The following PKNOX2 variants were observed in gnomAD, a reference collection of about 807,000 sequenced individuals.
The protein encoded by PKNOX2 is homeobox protein PKNOX2.
In PKNOX2, 14 loss-of-function variants were observed where a neutral mutation model predicts 53.1. The ratio of observed to expected loss-of-function variants is 0.26; its 90% CI spans 0.17 to 0.41. PKNOX2 has a LOEUF of 0.41. Ranked by LOEUF, PKNOX2 falls within the 10% of genes least tolerant of loss-of-function variation. The pLI is 1.00. For missense variants in PKNOX2, 496 were observed against 602.8 expected, an observed-to-expected ratio of 0.82 and a Z score of 1.85; for synonymous variants, 257 against 242.8, an observed-to-expected ratio of 1.06 and a Z score of -0.54.
At chr11:125,365,594 T>C (rs1952147430) in intron 4 of PKNOX2, among the ~76,000 whole-genome samples, 1 of 152,228 alleles carries the variant, frequency 6.6e-6, no homozygotes. Flanking sequence ...CATAAATTTG[T>C]TGAGCATTTT....
intron 8 of PKNOX2, 46 bp downstream of exon 8, chr11:125,410,371 G>A (rs1185450969): frequency 6.2e-7 from 1 of 1,609,944 alleles, no homozygotes; most frequent in African/African-American, 1.3e-5. Flanking sequence ...TTCCCTGGGA[G>A]GAGAAAGGGT....
chr11:125,242,131 T>C (rs1040922862), intron 2 of PKNOX2, among the ~76,000 whole-genome samples: 2 of 152,148 alleles, frequency 1.3e-5, no homozygotes, highest in Non-Finnish European at 2.9e-5. Context: ...TGGTTCCCCG[T>C]CTATGTGGGG....
chr11:125,377,527 C>T (rs1952913385), intron 5 of PKNOX2, among the ~76,000 whole-genome samples: 1 of 152,164 alleles, frequency 6.6e-6, no homozygotes, highest in African/African-American at 2.4e-5. Flanking sequence ...CAAAGATGGG[C>T]ACAGGAAGGC....
chr11:125,182,565 CAAG>C (rs1302364294), intron 1 of PKNOX2, among the ~76,000 whole-genome samples: 1 of 152,148 alleles, frequency 6.6e-6, no homozygotes, highest in East Asian at 1.9e-4. Flanking sequence ...TTCAATGGTC[CAAG>C]GCAAATAAAG....
chr11:125,248,875 GTATATATATAACA>G (rs1943769686), intron 2 of PKNOX2, among the ~76,000 whole-genome samples: 1 of 129,654 alleles, frequency 7.7e-6, no homozygotes, highest in Admixed American at 8.1e-5. Context: ...TATATATAAC[GTATATATATAACA>G]TATATAATAT....
Position 125,397,879 on chromosome 11 carries a change from G to A in PKNOX2, c.405G>A (p.Val135=), listed in dbSNP as rs1302381094. Residue 135 remains valine, a synonymous_variant, in exon 7 of 13, where the codon GTG becomes GTA. Transcript: ENST00000298282. ...SDDPELDNLM[V]KAIQVLRIHL... ...CCTCTCCTCCCTCTCCACAGATGGTGAAGGCAATCCAGGTCCTGAGAATCC... is the reference window on the plus strand; with the variant it reads ...CCTCTCCTCCCTCTCCACAGATGGTAAAGGCAATCCAGGTCCTGAGAATCC... The A allele has an allele frequency of 1.9e-6, 3 of 1,609,864 alleles. No homozygotes were observed. The highest frequency in any genetic ancestry group is 1.7e-6 in the Non-Finnish European group (2 of 1,178,014).
rs147133742 is a variant in PKNOX2, at chr11:125,275,960, G to A, written c.-130+40845G>A. ...AGGGAGAGAGAAAGGATGCAGAAAG[G>A]GAGAGTGAAGGGGATGCTCCAGTAT... On this transcript the variant is annotated intron_variant, in intron 2 of 12. Coordinates refer to ENST00000298282, the MANE Select transcript of PKNOX2 (RefSeq NM_001382323.2). Among the ~76,000 whole-genome samples the A allele has an allele frequency of 2.9e-3, 445 of 152,290 alleles. 1 individual carries two copies. Among genetic ancestry groups the A allele is most frequent in the Non-Finnish European group, 4.8e-3 (327 of 68,020 alleles).
rs535909563 is a variant in PKNOX2 at position 125,336,354 on chromosome 11, T to C, written c.-23+4429T>C. On this transcript the variant is annotated intron_variant, in intron 3 of 12. Coordinates refer to ENST00000298282, the MANE Select transcript of PKNOX2 (RefSeq NM_001382323.2). Reference sequence around the variant, plus strand: ...CAGCCCTTTTTTCTCAGTTTATCTATTTATCTATTAACTGTCTGCTATGAA... The same window carrying C: ...CAGCCCTTTTTTCTCAGTTTATCTACTTATCTATTAACTGTCTGCTATGAA... Among the ~76,000 whole-genome samples, 18 of 152,154 alleles carry C rather than the reference T, an allele frequency of 1.2e-4. No homozygotes were observed. The South Asian group carries it at 1.9e-3, about 16-fold the overall frequency.
chr11:125,164,828 CG>C, intron 1 of PKNOX2, 52 bp downstream of exon 1: 1 of 178,334 alleles, frequency 5.6e-6, no homozygotes, highest in Non-Finnish European at 1.2e-5. Context: ...GCGGCGGCGG[CG>C]GCGCGGCGGC....
chr11:125,379,368 C>T (rs112439781), intron 5 of PKNOX2, among the ~76,000 whole-genome samples: 2,541 of 152,222 alleles, frequency 0.017, 29 homozygotes, highest in Middle Eastern at 0.048. Context: ...CAGCCAAGGA[C>T]CCAGCCATCT....
intron 1 of PKNOX2, among the ~76,000 whole-genome samples, chr11:125,204,185 T>G (rs531660626): frequency 6.6e-6 from 1 of 152,308 alleles, no homozygotes; most frequent in Non-Finnish European, 1.5e-5. Context: ...GCTCCTTTCC[T>G]GGAAGAGGAA....
intron 1 of PKNOX2, among the ~76,000 whole-genome samples, chr11:125,192,292 T>C (rs571068165): frequency 2.0e-5 from 3 of 152,364 alleles, no homozygotes; most frequent in African/African-American, 7.2e-5. Context: ...GGCAGAGCCG[T>C]GCAAAGCCAG....
At chr11:125,418,527 C>A (rs773683492) in intron 10 of PKNOX2, among the ~76,000 whole-genome samples, 3 of 152,110 alleles carry the variant, frequency 2.0e-5, no homozygotes, top group Admixed American at 2.0e-4. Context: ...GGAGGCAGAG[C>A]GGCTGTACCC....
At chr11:125,213,886 G>A (rs1037440573) in intron 1 of PKNOX2, among the ~76,000 whole-genome samples, 4 of 152,110 alleles carry the variant, frequency 2.6e-5, no homozygotes, top group African/African-American at 9.7e-5. Context: ...TATGTGGAAA[G>A]TAAAGACAAG....
intron 2 of PKNOX2, among the ~76,000 whole-genome samples, chr11:125,277,196 G>A (rs906378898): frequency 6.6e-6 from 1 of 152,118 alleles, no homozygotes; most frequent in Non-Finnish European, 1.5e-5. Context: ...TCTAGGAAAC[G>A]GCCATGTGAG....
At chr11:125,358,193 T>C (rs1298130368) in intron 4 of PKNOX2, among the ~76,000 whole-genome samples, 1 of 152,210 alleles carries the variant, frequency 6.6e-6, no homozygotes, top group East Asian at 1.9e-4. Context: ...TAATTACTTT[T>C]TATTAGGAAC....
At chr11:125,169,599 G>C (rs1321924261) in intron 1 of PKNOX2, among the ~76,000 whole-genome samples, 1 of 152,144 alleles carries the variant, frequency 6.6e-6, no homozygotes, top group Admixed American at 6.5e-5. Flanking sequence ...TCTAGCTTCT[G>C]GGCCTTGGTT....
At chr11:125,257,393 G>A (rs754324308) in intron 2 of PKNOX2, among the ~76,000 whole-genome samples, 9 of 152,156 alleles carry the variant, frequency 5.9e-5, no homozygotes, top group Non-Finnish European at 1.0e-4. Context: ...GCCTCCAGTG[G>A]CCAAAGAAGC....
chr11:125,244,106 C>T (rs1295840762), intron 2 of PKNOX2, among the ~76,000 whole-genome samples: 1 of 152,230 alleles, frequency 6.6e-6, no homozygotes, highest in Non-Finnish European at 1.5e-5. Flanking sequence ...CCCTGAGCTA[C>T]AGGGCAAAGC....
Sources: allele counts gnomAD v4.1 joint callset (sites outside exome capture counted in the v4.1 genomes callset), GRCh38; gene constraint gnomAD v4.1.1; transcripts MANE v1.5; gene names NCBI Gene and HGNC (gene_info 2026-07-23, HGNC 2026-07-21).